Variants in NRF1 observed in about 807,000 individuals in gnomAD.
NRF1 encodes the protein alpha palindromic-binding protein.
NRF1 carries 5 observed loss-of-function variants against 58.5 expected under a neutral mutation model. That is an observed-to-expected ratio of 0.09 (90% CI 0.04 to 0.18). NRF1 has a LOEUF of 0.18. Ranked by LOEUF, NRF1 falls within the 10% of genes least tolerant of loss-of-function variation. The pLI, the probability that NRF1 is intolerant of heterozygous loss-of-function variation, is 1.00. For synonymous variants in NRF1, 224 were observed against 246.7 expected, an observed-to-expected ratio of 0.91 and a Z score of 0.86; for missense variants, 288 against 657.7, an observed-to-expected ratio of 0.44 and a Z score of 6.15.
At chr7:129,719,249 C>T (rs551000814) in intron 9 of NRF1, among the ~76,000 whole-genome samples, 53 of 152,088 alleles carry the variant, frequency 3.5e-4, no homozygotes, top group African/African-American at 1.3e-3. Context: ...TCTCCTGCCT[C>T]AGCCTCCCAA....
chr7:129,647,584 T>G (rs565887618), intron 1 of NRF1, among the ~76,000 whole-genome samples: 49 of 152,086 alleles, frequency 3.2e-4, no homozygotes, highest in Non-Finnish European at 3.7e-4. Context: ...TTAGTAGAGA[T>G]AGGGTTTCAC....
chr7:129,726,989 A>G (rs1023759478), intron 9 of NRF1, among the ~76,000 whole-genome samples: 2 of 152,250 alleles, frequency 1.3e-5, no homozygotes, highest in African/African-American at 2.4e-5. Flanking sequence ...CAAACACTCA[A>G]TTACCGAGGT....
intron 4 of NRF1, among the ~76,000 whole-genome samples, chr7:129,679,095 A>G (rs1802247119): frequency 6.6e-6 from 1 of 152,258 alleles, no homozygotes; most frequent in African/African-American, 2.4e-5. Flanking sequence ...CAAGGAAGAA[A>G]TGTTTAAAAA....
At chr7:129,726,998 G>A (rs1311396866) in intron 9 of NRF1, among the ~76,000 whole-genome samples, 1 of 152,170 alleles carries the variant, frequency 6.6e-6, no homozygotes, top group Non-Finnish European at 1.5e-5. Context: ...AATTACCGAG[G>A]TTCTGAGAAA....
At chr7:129,673,757 G>A (rs909473155) in intron 3 of NRF1, among the ~76,000 whole-genome samples, 9 of 150,538 alleles carry the variant, frequency 6.0e-5, no homozygotes, top group African/African-American at 2.0e-4. Context: ...TTTGATGGGT[G>A]CAGCAGACCA....
intron 5 of NRF1, among the ~76,000 whole-genome samples, chr7:129,695,624 T>C (rs949782655): frequency 6.7e-6 from 1 of 150,012 alleles, no homozygotes; most frequent in African/African-American, 2.4e-5. Flanking sequence ...ATTTCTTATA[T>C]ACTGTAGTTT....
chr7:129,623,380 GT>G (rs5887435), intron 1 of NRF1, among the ~76,000 whole-genome samples: 113,985 of 147,276 alleles, frequency 0.77, 44,341 homozygotes, highest in Non-Finnish European at 0.83. Flanking sequence ...AAAAATACCT[GT>G]TTTTTTTTTT....
intron 4 of NRF1, among the ~76,000 whole-genome samples, chr7:129,688,317 G>A (rs1802486486): frequency 6.6e-6 from 1 of 151,998 alleles, no homozygotes; most frequent in Non-Finnish European, 1.5e-5. Flanking sequence ...AGTAGACACA[G>A]GGTCTCACCA....
chr7:129,634,962 T>C (rs1020747638), intron 1 of NRF1, among the ~76,000 whole-genome samples: 2 of 152,214 alleles, frequency 1.3e-5, no homozygotes, highest in Non-Finnish European at 2.9e-5. Flanking sequence ...GCTTTCTCTT[T>C]TCTTTATCTA....
At chr7:129,739,543 A>T (rs1400349932) in intron 10 of NRF1, among the ~76,000 whole-genome samples, 1 of 96,534 alleles carries the variant, frequency 1.0e-5, no homozygotes, top group East Asian at 7.0e-4. Flanking sequence ...TTTGCTTTTA[A>T]AAAAAAAAAA....
intron 1 of NRF1, among the ~76,000 whole-genome samples, chr7:129,653,729 G>A (rs537580859): frequency 3.4e-4 from 52 of 152,296 alleles, no homozygotes; most frequent in African/African-American, 1.2e-3. Flanking sequence ...GGAATCATAA[G>A]TGTGTAGCCT....
In NRF1 at chr7:129,643,116, A is replaced by G. The variant is rs149204912; in HGVS notation, c.-6-14230A>G. Among the ~76,000 whole-genome samples, 999 of 152,346 alleles carry G rather than the reference A, an allele frequency of 6.6e-3. 12 individuals are homozygous for G. The highest frequency in any genetic ancestry group is 0.023 in the African/African-American group (969 of 41,580). ...GTTGAATGAAGGAGAGAATGATTGA[A>G]TAGCAGAGATTCCTAGGTCTGTGGT... On this transcript the variant is annotated intron_variant, in intron 1 of 10. Transcript: ENST00000393232.
At chr7:129,645,942 C>T (rs530653959) in intron 1 of NRF1, among the ~76,000 whole-genome samples, 4 of 152,248 alleles carry the variant, frequency 2.6e-5, no homozygotes, top group African/African-American at 7.2e-5. Context: ...CTCCGCCTCC[C>T]GGGTTCAAGC....
At chr7:129,703,315 T>C (rs1421299621) in intron 5 of NRF1, among the ~76,000 whole-genome samples, 1 of 152,216 alleles carries the variant, frequency 6.6e-6, no homozygotes, top group East Asian at 1.9e-4. Flanking sequence ...TCTGAGAGGT[T>C]AGGCTTTAGC....
intron 1 of NRF1, among the ~76,000 whole-genome samples, chr7:129,631,024 AT>A (rs1239192737): frequency 6.6e-6 from 1 of 152,182 alleles, no homozygotes; most frequent in East Asian, 1.9e-4. Context: ...TTTGAGCAAA[AT>A]TTTTTATATT....
intron 3 of NRF1, among the ~76,000 whole-genome samples, chr7:129,674,035 G>A (rs1802118710): frequency 6.6e-6 from 1 of 151,886 alleles, no homozygotes; most frequent in African/African-American, 2.4e-5. Context: ...CAGCTAGTCG[G>A]GAGGCTGAGG....
chr7:129,744,343 C>A (rs1803921492), intron 10 of NRF1: 3 of 782,590 alleles, frequency 3.8e-6, no homozygotes, highest in Admixed American at 5.1e-5. Flanking sequence ...CTGTGCAGTC[C>A]CCCTCACTCG....
At chr7:129,637,652 C>G (rs1179397994) in intron 1 of NRF1, among the ~76,000 whole-genome samples, 1 of 152,156 alleles carries the variant, frequency 6.6e-6, no homozygotes, top group African/African-American at 2.4e-5. Context: ...TGAGACCACA[C>G]TCATTCTAGC....
chr7:129,624,188 C>G (rs765810272), intron 1 of NRF1, among the ~76,000 whole-genome samples: 7 of 152,166 alleles, frequency 4.6e-5, no homozygotes, highest in African/African-American at 9.7e-5. Context: ...GGTCTCTGCT[C>G]AAACATCATT....
Sources: gnomAD v4.1 joint callset for allele counts (sites outside exome capture counted in the v4.1 genomes callset) on GRCh38, gnomAD v4.1.1 for gene constraint, MANE v1.5 for transcripts, NCBI Gene and HGNC (gene_info 2026-07-23, HGNC 2026-07-21) for gene names.